STXBP5L: variants seen among roughly 807,000 people sequenced by gnomAD.
The protein encoded by STXBP5L is syntaxin-binding protein 5-like.
In STXBP5L, 65 loss-of-function variants were observed where a neutral mutation model predicts 144.5. The ratio of observed to expected loss-of-function variants is 0.45; its 90% CI spans 0.37 to 0.55. The LOEUF is 0.55. Among genes scored for constraint, STXBP5L ranks in the 20% least tolerant of loss-of-function variants. The pLI is 0.00. For missense variants in STXBP5L, 1,298 were observed against 1,405.5 expected (o/e 0.92, Z 1.22); for synonymous variants, 505 against 469.6 (o/e 1.08, Z -0.97).
chr3:121,171,384 G>GGGTAT (rs1248149446), intron 9 of STXBP5L, among the ~76,000 whole-genome samples: 1 of 152,106 alleles, frequency 6.6e-6, no homozygotes, highest in Non-Finnish European at 1.5e-5. Context: ...AAGAAATAAA[G>GGGTAT]GGTATTCAAA....
At position 120,991,821 on chromosome 3, in the gene STXBP5L, G is replaced by A. The variant is rs568273580; in HGVS notation, c.287+36784G>A. 2.0e-5 allele frequency among the ~76,000 whole-genome samples: 3 copies of A among 149,090 alleles called. No individual in the cohort carries two copies. In the South Asian group the frequency reaches 6.4e-4, roughly 32 times the overall value. On this transcript the variant is annotated intron_variant, in intron 3 of 26. Transcript: ENST00000471454. ...CACCGGGGCCTGTTGTGGGGTGGGG[G>A]CAGGGGGGAGGGATAGCATTAGGAG...
At position 121,422,684 on chromosome 3, in the gene STXBP5L, C is replaced by G. The variant is rs1196070365; in HGVS notation, c.*3587C>G. ...AACTGGAACTCTGAAAGGACAGTGA[C>G]AGAACTGAATGAGATGTTTTCCAGT... On this transcript the variant is annotated 3_prime_UTR_variant, in exon 27 of 27. Coordinates refer to ENST00000471454, the MANE Select transcript of STXBP5L (RefSeq NM_001308330.2). 1 of 152,148 alleles carries G rather than the reference C, an allele frequency of 6.6e-6. No individual in the cohort carries two copies. The highest frequency in any genetic ancestry group is 1.5e-5 in the Non-Finnish European group (1 of 68,022). The allele number at this position is 152,148 out of a possible 1,614,324, so 9.4% of individuals were successfully genotyped here. A position where few individuals can be genotyped will look rare whatever the true frequency, so the allele number is the denominator to read the frequency against.
intron 7 of STXBP5L, among the ~76,000 whole-genome samples, chr3:121,152,037 T>C (rs528008205): frequency 7.0e-4 from 106 of 152,150 alleles, no homozygotes; most frequent in African/African-American, 2.5e-3. Flanking sequence ...GTTTAAAATA[T>C]TGAATTCGGT....
chr3:121,378,837 GGCCCAGTCAGCA>G lies in STXBP5L; in HGVS notation c.2302_2313del (p.Gln768_Ala771del), dbSNP rs1384455069. The G allele has an allele frequency of 2.5e-6, 4 of 1,613,718 alleles. No individual in the cohort carries two copies. The South Asian group carries it at 4.4e-5, about 18-fold the overall frequency. On this transcript the variant is annotated inframe_deletion, in exon 21 of 27. Coordinates refer to ENST00000471454, the MANE Select transcript of STXBP5L (RefSeq NM_001308330.2). ...GTCCTGGAAGACCACCATTTCGAAA[GGCCCAGTCAGCA>G]GCCTGCATGGAGATTTCTTTACCAG... is the stretch of plus-strand genomic sequence containing the variant.
intron 20 of STXBP5L, among the ~76,000 whole-genome samples, chr3:121,333,206 AT>A (rs1414441298): frequency 6.6e-6 from 1 of 152,206 alleles, no homozygotes; most frequent in Non-Finnish European, 1.5e-5. Flanking sequence ...AGCAATCAAC[AT>A]GATGATTGGA....
At chr3:121,166,554 T>G (rs1274999896) in intron 9 of STXBP5L, among the ~76,000 whole-genome samples, 3 of 152,238 alleles carry the variant, frequency 2.0e-5, no homozygotes. Flanking sequence ...ATAATATCCT[T>G]TATTTCTTTA....
chr3:120,909,603 G>A lies in STXBP5L; in HGVS notation c.25G>A (p.Val9Ile). 1 of 1,613,030 alleles carries A rather than the reference G, an allele frequency of 6.2e-7. No homozygotes were observed. The highest frequency in any genetic ancestry group is 8.5e-7 in the Non-Finnish European group (1 of 1,179,712). ...AATGAAGAAGTTTAATTTCCGAAAA[G>A]TTTTGGATGGCTTAACTGCCTCCTC... MKKFNFRK[V>I]LDGLTASSPG... is the part of the protein sequence containing the mutation. The change falls in exon 2 of 27, where the codon GTT becomes ATT. Residue 9 changes from valine to isoleucine, a missense_variant. Physicochemically the swap from Val to Ile is conservative, Grantham distance 29. Coordinates refer to ENST00000471454, the MANE Select transcript of STXBP5L (RefSeq NM_001308330.2).
intron 9 of STXBP5L, among the ~76,000 whole-genome samples, chr3:121,177,940 AG>A (rs1307980472): frequency 6.6e-6 from 1 of 152,238 alleles, no homozygotes; most frequent in African/African-American, 2.4e-5. Flanking sequence ...AATATGATTC[AG>A]CTTTGAAAAA....
In STXBP5L at chr3:121,302,394, C is replaced by A. The variant is rs186239194; in HGVS notation, c.2111-16081C>A. ...TCTGTGGGATTGGTGGTGATATCCC[C>A]TTTATCATTTTTTATTGTGTCTATT... On this transcript the variant is annotated intron_variant, in intron 19 of 26. Coordinates refer to ENST00000471454, the MANE Select transcript of STXBP5L (RefSeq NM_001308330.2). Among the ~76,000 whole-genome samples the A allele has an allele frequency of 9.2e-5, 14 of 152,164 alleles. No individual in the cohort carries two copies. The East Asian group carries it at 2.7e-3, about 29-fold the overall frequency.
chr3:121,057,812 A>C (rs982241728), intron 5 of STXBP5L, among the ~76,000 whole-genome samples: 6 of 151,988 alleles, frequency 3.9e-5, no homozygotes, highest in African/African-American at 7.2e-5. Flanking sequence ...TATAATAATA[A>C]AAATTTTTAA....
At chr3:120,995,340 G>T (rs1195191377) in intron 3 of STXBP5L, among the ~76,000 whole-genome samples, 1 of 151,988 alleles carries the variant, frequency 6.6e-6, no homozygotes, top group East Asian at 1.9e-4. Flanking sequence ...TAGATGTAGG[G>T]TTTCCCTATG....
intron 20 of STXBP5L, among the ~76,000 whole-genome samples, chr3:121,370,144 T>A (rs2045987724): frequency 2.0e-5 from 3 of 152,078 alleles, no homozygotes. Context: ...GGCAGGTGGA[T>A]CACTTGAGGT....
At chr3:121,003,743 A>G (rs145930901) in intron 3 of STXBP5L, among the ~76,000 whole-genome samples, 2 of 152,114 alleles carry the variant, frequency 1.3e-5, no homozygotes, top group Admixed American at 6.5e-5. Flanking sequence ...GGTGTAAGGA[A>G]GGGATCCAGT....
intron 5 of STXBP5L, among the ~76,000 whole-genome samples, chr3:121,054,254 G>T (rs1409716291): frequency 1.3e-5 from 2 of 152,048 alleles, no homozygotes; most frequent in Non-Finnish European, 2.9e-5. Context: ...TATACCCAAA[G>T]GATTATAAAT....
intron 20 of STXBP5L, among the ~76,000 whole-genome samples, chr3:121,354,508 C>CTTTTTTTTTTTTTTTTTTTTTTT (rs145703750): frequency 3.0e-5 from 2 of 67,542 alleles, no homozygotes; most frequent in Non-Finnish European, 5.4e-5. Context: ...TGCAACCCTG[C>CTTTTTTTTTTTTTTTTTTTTTTT]TTTTTTTTTT....
At position 121,216,778 on chromosome 3, in the gene STXBP5L, G is replaced by A. The variant is rs1056648058; in HGVS notation, c.957-6225G>A. Among the ~76,000 whole-genome samples, 6 of 152,244 alleles carry A rather than the reference G, an allele frequency of 3.9e-5. No homozygotes were observed. In the South Asian group the frequency reaches 8.3e-4, roughly 21 times the overall value. Reference sequence around the variant, plus strand: ...GAATGTTTAAGTCGGCTTAAGCTGCGCCCACAGCCACCCCTCCGCCAGGTG... The same window carrying A: ...GAATGTTTAAGTCGGCTTAAGCTGCACCCACAGCCACCCCTCCGCCAGGTG... On this transcript the variant is annotated intron_variant, in intron 10 of 26. Transcript: ENST00000471454.
intron 9 of STXBP5L, among the ~76,000 whole-genome samples, chr3:121,193,801 C>T (rs2047805073): frequency 6.6e-6 from 1 of 151,990 alleles, no homozygotes; most frequent in Non-Finnish European, 1.5e-5. Flanking sequence ...GGACAGGGAA[C>T]ATCATGCATG....
chr3:121,075,904 A>G (rs551850277), intron 5 of STXBP5L, among the ~76,000 whole-genome samples: 9 of 152,168 alleles, frequency 5.9e-5, no homozygotes, highest in African/African-American at 1.9e-4. Context: ...AGCTTGTATA[A>G]CTCTACAGTG....
At chr3:121,062,182 G>A (rs1429865315) in intron 5 of STXBP5L, among the ~76,000 whole-genome samples, 2 of 152,188 alleles carry the variant, frequency 1.3e-5, no homozygotes, top group Non-Finnish European at 2.9e-5. Context: ...TGTAAGGCAG[G>A]CCTGGTGGTG....
Sources: gnomAD v4.1 joint callset for allele counts (sites outside exome capture counted in the v4.1 genomes callset) on GRCh38, gnomAD v4.1.1 for gene constraint, MANE v1.5 for transcripts, NCBI Gene and HGNC (gene_info 2026-07-23, HGNC 2026-07-21) for gene names.